Variants in CDH12 observed in about 807,000 individuals in gnomAD.
CDH12 encodes cadherin-12.
In CDH12, 41 loss-of-function variants were observed where a neutral mutation model predicts 74.1. The observed-to-expected ratio is 0.55, with a 90% CI of 0.43 to 0.72. CDH12 has a LOEUF of 0.72. CDH12 is among the 30% of genes least tolerant of loss of function. The pLI is 0.00. For synonymous variants in CDH12, 399 were observed against 355.0 expected (o/e 1.12, Z -1.39); for missense variants, 945 against 977.2 (o/e 0.97, Z 0.44).
In CDH12 at chr5:22,716,414, C is replaced by G. The variant is rs142708313; in HGVS notation, c.-523+136644G>C. 3.5e-3 allele frequency among the ~76,000 whole-genome samples: 471 copies of G among 133,776 alleles called. 4 individuals are homozygous for G. The highest frequency in any genetic ancestry group is 0.012 in the African/African-American group (455 of 37,430). 87.8% of individuals were successfully genotyped at this position (133,776 alleles called of 152,430 possible). ...GTGACATTGCTGCTGTCATAACTTG[C>G]TGCAACGTACTACTCATGTGTTTGT... is the stretch of plus-strand genomic sequence containing the variant. On this transcript the variant is annotated intron_variant, in intron 1 of 14. Transcript: ENST00000382254.
At chr5:21,882,535 G>A (rs1340869629) in intron 6 of CDH12, 3 of 1,008,956 alleles carry the variant, frequency 3.0e-6, no homozygotes, top group Non-Finnish European at 3.2e-6. Flanking sequence ...TCCCTCACTC[G>A]CCGCCGACAA....
intron 4 of CDH12, chr5:22,142,575 AT>A: frequency 1.4e-6 from 1 of 692,196 alleles, no homozygotes; most frequent in Non-Finnish European, 2.4e-6. Context: ...GGAAGGAGAG[AT>A]TTTGACAGTG....
At chr5:22,245,756 T>G (rs930485426) in intron 3 of CDH12, among the ~76,000 whole-genome samples, 68 of 152,248 alleles carry the variant, frequency 4.5e-4, no homozygotes, top group African/African-American at 1.6e-3. Flanking sequence ...CAGTGAGATC[T>G]ATTCCAAGCC....
chr5:22,769,418 C>T (rs1746691873), intron 1 of CDH12, among the ~76,000 whole-genome samples: 2 of 152,088 alleles, frequency 1.3e-5, no homozygotes, highest in Admixed American at 1.3e-4. Context: ...GGATTTACAC[C>T]AGTGGTTTGC....
At chr5:21,854,124 A>G (rs1750626488) in intron 7 of CDH12, among the ~76,000 whole-genome samples, 1 of 151,686 alleles carries the variant, frequency 6.6e-6, no homozygotes, top group South Asian at 2.1e-4. Context: ...GAAAACTGCT[A>G]TTTTTCAATT....
Position 22,195,776 on chromosome 5 carries a change from T to G in CDH12, c.-187+16722A>C, listed in dbSNP as rs558555521. Among the ~76,000 whole-genome samples the G allele has an allele frequency of 2.2e-4, 33 of 152,344 alleles. No homozygotes were observed. The Middle Eastern group carries it at 0.01, about 47-fold the overall frequency. ...CTACAATCCTCTGCAAAAGAGAGCA[T>G]GTTTTGCCATTTTCTCTCCTTTATT... On this transcript the variant is annotated intron_variant, in intron 4 of 14. Coordinates refer to ENST00000382254, the MANE Select transcript of CDH12 (RefSeq NM_004061.5).
At chr5:21,899,775 T>C (rs1002455124) in intron 6 of CDH12, among the ~76,000 whole-genome samples, 3 of 151,844 alleles carry the variant, frequency 2.0e-5, no homozygotes, top group Non-Finnish European at 4.4e-5. Context: ...AATAACATTC[T>C]TCTAGCTTTT....
At chr5:22,426,315 T>C (rs1033581777) in intron 2 of CDH12, among the ~76,000 whole-genome samples, 1 of 152,154 alleles carries the variant, frequency 6.6e-6, no homozygotes, top group South Asian at 2.1e-4. Context: ...ATTTTATTTT[T>C]ATATTGTTTT....
At chr5:22,243,119 T>A (rs2150381864) in intron 3 of CDH12, among the ~76,000 whole-genome samples, 1 of 152,298 alleles carries the variant, frequency 6.6e-6, no homozygotes, top group South Asian at 2.1e-4. Context: ...TTCTAAACAG[T>A]ATACTCATAA....
At chr5:22,125,003 G>C (rs542865374) in intron 4 of CDH12, among the ~76,000 whole-genome samples, 1 of 152,214 alleles carries the variant, frequency 6.6e-6, no homozygotes, top group Non-Finnish European at 1.5e-5. Context: ...GAGGATGTCT[G>C]TTCCTGTGTA....
chr5:22,702,131 G>C (rs924670548), intron 1 of CDH12, among the ~76,000 whole-genome samples: 1 of 152,118 alleles, frequency 6.6e-6, no homozygotes, highest in African/African-American at 2.4e-5. Context: ...AGTATCTATC[G>C]TAGGATGAAT....
chr5:22,720,278 T>C (rs544275553), intron 1 of CDH12, among the ~76,000 whole-genome samples: 1 of 152,074 alleles, frequency 6.6e-6, no homozygotes, highest in Non-Finnish European at 1.5e-5. Context: ...TATCCGATGG[T>C]TTTTTAAGGG....
chr5:22,790,828 C>A (rs559113127), intron 1 of CDH12, among the ~76,000 whole-genome samples: 30 of 152,136 alleles, frequency 2.0e-4, no homozygotes, highest in African/African-American at 7.2e-4. Context: ...TGGGATTGAG[C>A]AAGAAGGGAG....
chr5:22,784,314 T>C (rs1747523314), intron 1 of CDH12, among the ~76,000 whole-genome samples: 1 of 152,172 alleles, frequency 6.6e-6, no homozygotes, highest in South Asian at 2.1e-4. Context: ...GTATTCTTGA[T>C]AGAGTAAACC....
intron 5 of CDH12, among the ~76,000 whole-genome samples, chr5:22,045,704 C>A (rs1172845825): frequency 6.6e-6 from 1 of 151,416 alleles, no homozygotes; most frequent in African/African-American, 2.4e-5. Context: ...AAAGACAAAT[C>A]CTGCATGATC....
intron 4 of CDH12, among the ~76,000 whole-genome samples, chr5:22,188,773 A>G (rs1251074623): frequency 1.3e-5 from 2 of 152,124 alleles, no homozygotes; most frequent in Non-Finnish European, 2.9e-5. Flanking sequence ...GCATTTATTT[A>G]TATATTTTCC....
At chr5:22,693,910 T>A (rs1034717531) in intron 1 of CDH12, among the ~76,000 whole-genome samples, 3 of 152,042 alleles carry the variant, frequency 2.0e-5, no homozygotes, top group African/African-American at 4.8e-5. Flanking sequence ...ATTTAGTTAT[T>A]TCATCAATTT....
At chr5:21,837,931 C>T (rs978073159) in intron 8 of CDH12, among the ~76,000 whole-genome samples, 2 of 152,064 alleles carry the variant, frequency 1.3e-5, no homozygotes, top group African/African-American at 4.8e-5. Flanking sequence ...ACAGTGATCT[C>T]CTTGATAGAT....
intron 6 of CDH12, among the ~76,000 whole-genome samples, chr5:21,912,349 C>T (rs377635210): frequency 1.1e-3 from 164 of 151,574 alleles, no homozygotes; most frequent in African/African-American, 3.7e-3. Flanking sequence ...AACTCTTAAT[C>T]TTACCCATCG....
Sources: gnomAD v4.1 joint callset for allele counts (sites outside exome capture counted in the v4.1 genomes callset) on GRCh38, gnomAD v4.1.1 for gene constraint, MANE v1.5 for transcripts, NCBI Gene and HGNC (gene_info 2026-07-23, HGNC 2026-07-21) for gene names.